The following WDR27 variants were observed in gnomAD, a reference collection of about 807,000 sequenced individuals.
WDR27 encodes WD repeat-containing protein 27.
WDR27 carries 100 observed loss-of-function variants against 114.4 expected under a neutral mutation model. The ratio of observed to expected loss-of-function variants is 0.87; its 90% CI spans 0.74 to 1.03. The LOEUF (loss-of-function observed/expected upper bound fraction) is 1.03. Ranked by LOEUF, WDR27 falls within the 50% of genes least tolerant of loss-of-function variation. The pLI, the probability that WDR27 is intolerant of heterozygous loss-of-function variation, is 0.00. For synonymous variants in WDR27, 449 were observed against 423.1 expected (o/e 1.06, Z -0.75); for missense variants, 1,129 against 1,092.9 (o/e 1.03, Z -0.47).
chr6:169,506,411 G>A (rs1792004279), intron 25 of WDR27, among the ~76,000 whole-genome samples: 1 of 152,190 alleles, frequency 6.6e-6, no homozygotes. Flanking sequence ...TGTTGTTGGT[G>A]CTAATCTTAA....
chr6:169,638,695 A>C, intron 17 of WDR27, 35 bp from the exon 18 acceptor site: 1 of 1,571,986 alleles, frequency 6.4e-7, no homozygotes. Context: ...TACTATTTCT[A>C]CTATTAATAT....
chr6:169,587,515 G>A (rs190309781), intron 23 of WDR27, among the ~76,000 whole-genome samples: 6 of 152,246 alleles, frequency 3.9e-5, no homozygotes, highest in African/African-American at 4.8e-5. Context: ...CACTGCGCCC[G>A]GCCCTCAATG....
chr6:169,667,258 G>A, intron 5 of WDR27, 71 bp from the exon 6 acceptor site: 1 of 1,376,440 alleles, frequency 7.3e-7, no homozygotes, highest in Non-Finnish European at 9.4e-7. Context: ...GAAGCTAACA[G>A]TACTATTCAC....
At chr6:169,637,367 C>G (rs531545738) in intron 18 of WDR27, among the ~76,000 whole-genome samples, 1 of 152,336 alleles carries the variant, frequency 6.6e-6, no homozygotes, top group Non-Finnish European at 1.5e-5. Flanking sequence ...ATGTGGCATT[C>G]GCAGACCATA....
intron 24 of WDR27, among the ~76,000 whole-genome samples, chr6:169,574,702 G>A (rs1011331608): frequency 3.3e-5 from 5 of 152,258 alleles, no homozygotes; most frequent in East Asian, 1.9e-4. Flanking sequence ...GGTGGGGGCC[G>A]GCGCCCTGTC....
At chr6:169,428,608 A>AGGGGGGGGGTGGGGGGGGGGGGG in the WDR27 span, among the ~76,000 whole-genome samples, 4 of 114,516 alleles carry the variant, frequency 3.5e-5, no homozygotes, top group Admixed American at 9.1e-5. Flanking sequence ...GGCGGGGGGG[A>AGGGGGGGGGTGGGGGGGGGGGGG]GGGGGGGGTT....
chr6:169,673,487 G>T (rs953845315), intron 2 of WDR27, among the ~76,000 whole-genome samples: 6 of 151,904 alleles, frequency 3.9e-5, no homozygotes, highest in African/African-American at 1.4e-4. Flanking sequence ...CACACATTTT[G>T]AAGGCATCAG....
At chr6:169,544,427 T>C (rs1247052972) in intron 25 of WDR27, among the ~76,000 whole-genome samples, 1 of 105,942 alleles carries the variant, frequency 9.4e-6, no homozygotes, top group Non-Finnish European at 1.9e-5. Context: ...TTTCTTTTCC[T>C]TTTTTTTTTT....
At chr6:169,488,879 G>A (rs748527665) in intron 25 of WDR27, among the ~76,000 whole-genome samples, 7 of 151,330 alleles carry the variant, frequency 4.6e-5, no homozygotes, top group East Asian at 1.9e-4. Context: ...TGCACACCAC[G>A]TATAGGTCAC....
intron 25 of WDR27, among the ~76,000 whole-genome samples, chr6:169,502,108 C>CT (rs1791347544): frequency 6.6e-6 from 1 of 152,176 alleles, no homozygotes; most frequent in Admixed American, 6.5e-5. Context: ...CTGCGGGATG[C>CT]TGGGAAGCCA....
At chr6:169,641,447 C>T (rs1413469695) in intron 17 of WDR27, among the ~76,000 whole-genome samples, 2 of 152,072 alleles carry the variant, frequency 1.3e-5, no homozygotes, top group African/African-American at 4.8e-5. Flanking sequence ...GGCCAGTTTC[C>T]CCTGTGGTGA....
chr6:169,448,540 GA>G, the WDR27 span, among the ~76,000 whole-genome samples: 1 of 152,156 alleles, frequency 6.6e-6, no homozygotes, highest in East Asian at 1.9e-4. Flanking sequence ...ACAGAAGCCC[GA>G]AATAGCTGTC....
intron 25 of WDR27, among the ~76,000 whole-genome samples, chr6:169,459,077 T>C (rs1386889434): frequency 6.6e-6 from 1 of 152,102 alleles, no homozygotes; most frequent in East Asian, 1.9e-4. Flanking sequence ...AATAGGAAAG[T>C]ATGGCCTATT....
At chr6:169,665,656 C>T in intron 6 of WDR27, 100 bp from the exon 7 acceptor site, 1 of 1,105,734 alleles carries the variant, frequency 9.0e-7, no homozygotes, top group South Asian at 1.6e-5. Context: ...GTAATATTTA[C>T]TTACAGTATT....
At position 169,664,873 on chromosome 6, in the gene WDR27, GCCGT is replaced by G. The variant is rs1827332975; in HGVS notation, c.784-591_784-588del. The G allele has an allele frequency of 5.1e-6, 5 of 987,820 alleles. No individual in the cohort carries two copies. In the Admixed American group the frequency reaches 1.8e-4, roughly 36 times the overall value. 61.2% of individuals were successfully genotyped at this position (987,820 alleles called of 1,614,324 possible). On this transcript the variant is annotated intron_variant, in intron 7 of 25. Transcript: ENST00000448612. ...GAAGCACGGGGGATGCCACACAGGA[GCCGT>G]CCAGGGCGCCTCTCCGGGGCGCGGG... is the stretch of plus-strand genomic sequence containing the variant.
intron 16 of WDR27, among the ~76,000 whole-genome samples, chr6:169,645,023 TAAAAAAAAAAAATAAAAAAA>T (rs1820216983): frequency 8.5e-5 from 4 of 46,982 alleles, no homozygotes; most frequent in African/African-American, 2.0e-4. Context: ...AAAAAAAAAA[TAAAAAAAAAAAATAAAAAAA>T]AAAAAAAAAA....
At chr6:169,685,560 T>C (rs1341637831) in intron 2 of WDR27, among the ~76,000 whole-genome samples, 1 of 151,912 alleles carries the variant, frequency 6.6e-6, no homozygotes, top group Non-Finnish European at 1.5e-5. Flanking sequence ...TGAATAAAAT[T>C]TAAAAACATA....
intron 25 of WDR27, among the ~76,000 whole-genome samples, chr6:169,529,198 A>C (rs553065558): frequency 6.6e-6 from 1 of 151,958 alleles, no homozygotes; most frequent in African/African-American, 2.4e-5. Flanking sequence ...TTTGCACTAG[A>C]ATCTCATTTC....
intron 22 of WDR27, among the ~76,000 whole-genome samples, chr6:169,610,967 G>A (rs1216434447): frequency 6.6e-6 from 1 of 152,090 alleles, no homozygotes; most frequent in Non-Finnish European, 1.5e-5. Context: ...GGTGGCAGGT[G>A]CACTAAAACC....
Sources: allele counts gnomAD v4.1 joint callset (sites outside exome capture counted in the v4.1 genomes callset), GRCh38; gene constraint gnomAD v4.1.1; transcripts MANE v1.5; gene names NCBI Gene and HGNC (gene_info 2026-07-23, HGNC 2026-07-21).